PTPRD: variants seen among roughly 807,000 people sequenced by gnomAD.
PTPRD encodes protein tyrosine phosphatase receptor type D, also known as receptor-type tyrosine-protein phosphatase delta.
Under a neutral mutation model 214.5 loss-of-function variants are expected in PTPRD, and 34 were observed. The ratio of observed to expected loss-of-function variants is 0.16; its 90% CI spans 0.12 to 0.21. The LOEUF is 0.21. Ranked by LOEUF, PTPRD falls within the 10% of genes least tolerant of loss-of-function variation. The pLI is 1.00. For missense variants in PTPRD, 2,545 were observed against 2,398.7 expected (o/e 1.06, Z -1.27); for synonymous variants, 1,128 against 845.7 (o/e 1.33, Z -5.79).
intron 3 of PTPRD, among the ~76,000 whole-genome samples, chr9:10,190,415 A>G (rs1356340579): frequency 1.1e-5 from 1 of 87,360 alleles, no homozygotes; most frequent in African/African-American, 7.1e-5. Flanking sequence ...AAAAAAAAAA[A>G]AAAAACAAAA....
chr9:9,686,812 C>T (rs2097173956), intron 7 of PTPRD, among the ~76,000 whole-genome samples: 1 of 151,684 alleles, frequency 6.6e-6, no homozygotes, highest in Admixed American at 6.6e-5. Context: ...GAGAGATACT[C>T]TTAGAAGTTA....
chr9:9,583,189 A>G (rs1186629240), intron 7 of PTPRD, among the ~76,000 whole-genome samples: 5 of 152,058 alleles, frequency 3.3e-5, no homozygotes, highest in Non-Finnish European at 5.9e-5. Context: ...AAAGTATACA[A>G]TGAAAGTGAT....
Position 8,769,544 on chromosome 9 carries a change from T to C in PTPRD, c.-103-35598A>G, listed in dbSNP as rs771958930. Reference sequence around the variant, plus strand: ...CTTCTTCTTGCAAGTAGTGGAAAACTGCCAAAAACTTAATGTGATAAATGA... The same window carrying C: ...CTTCTTCTTGCAAGTAGTGGAAAACCGCCAAAAACTTAATGTGATAAATGA... On this transcript the variant is annotated intron_variant, in intron 11 of 45. Transcript: ENST00000381196. 4.8e-4 allele frequency among the ~76,000 whole-genome samples: 73 copies of C among 152,150 alleles called. 1 individual carries two copies. Among genetic ancestry groups the C allele is most frequent in the Non-Finnish European group, 1.5e-4 (10 of 68,012 alleles).
intron 11 of PTPRD, among the ~76,000 whole-genome samples, chr9:8,795,442 A>G (rs1320004886): frequency 6.6e-6 from 1 of 152,168 alleles, no homozygotes; most frequent in Non-Finnish European, 1.5e-5. Context: ...TGGTGGGATT[A>G]CAGGTGTGAG....
At chr9:8,511,000 T>C (rs116314486) in intron 21 of PTPRD, among the ~76,000 whole-genome samples, 2,245 of 152,234 alleles carry the variant, frequency 0.015, 58 homozygotes, top group African/African-American at 0.051. Context: ...TTTCTATTAA[T>C]GTTTTCTCTC....
chr9:9,221,240 T>A (rs2099955782), intron 9 of PTPRD, among the ~76,000 whole-genome samples: 1 of 152,116 alleles, frequency 6.6e-6, no homozygotes, highest in African/African-American at 2.4e-5. Context: ...TCATCTTTCT[T>A]GCTCAGCCAA....
chr9:9,532,287 T>G (rs2075652735), intron 8 of PTPRD, among the ~76,000 whole-genome samples: 1 of 152,120 alleles, frequency 6.6e-6, no homozygotes, highest in South Asian at 2.1e-4. Flanking sequence ...ACTGTACACT[T>G]AAAACATTCA....
At chr9:8,386,732 T>C (rs535824386) in intron 37 of PTPRD, among the ~76,000 whole-genome samples, 1 of 152,174 alleles carries the variant, frequency 6.6e-6, no homozygotes, top group Non-Finnish European at 1.5e-5. Flanking sequence ...AGTTATAACA[T>C]TGTTTTTATA....
At chr9:9,674,181 A>G (rs534107634) in intron 7 of PTPRD, among the ~76,000 whole-genome samples, 1 of 152,002 alleles carries the variant, frequency 6.6e-6, no homozygotes. Flanking sequence ...TAAAATATAA[A>G]CAAAAGTAGT....
At chr9:9,577,074 G>C (rs1181544400) in intron 7 of PTPRD, among the ~76,000 whole-genome samples, 1 of 152,104 alleles carries the variant, frequency 6.6e-6, no homozygotes, top group Non-Finnish European at 1.5e-5. Flanking sequence ...TGTAAGTCAT[G>C]GCTCATACTT....
At chr9:8,763,250 G>A (rs2094514676) in intron 11 of PTPRD, among the ~76,000 whole-genome samples, 1 of 152,174 alleles carries the variant, frequency 6.6e-6, no homozygotes, top group African/African-American at 2.4e-5. Context: ...AGTGGCTCAT[G>A]CCTGTAATCC....
At chr9:8,988,711 G>T (rs1249097474) in intron 11 of PTPRD, among the ~76,000 whole-genome samples, 1 of 151,946 alleles carries the variant, frequency 6.6e-6, no homozygotes, top group African/African-American at 2.4e-5. Context: ...ATTGTTTTAT[G>T]GGAAGAATTA....
intron 11 of PTPRD, among the ~76,000 whole-genome samples, chr9:8,813,667 C>G (rs1463177640): frequency 6.6e-6 from 1 of 152,204 alleles, no homozygotes; most frequent in Non-Finnish European, 1.5e-5. Flanking sequence ...GCCACCGCGC[C>G]GGGCCTTCCT....
chr9:9,445,554 G>A (rs533169899), intron 8 of PTPRD, among the ~76,000 whole-genome samples: 37 of 152,222 alleles, frequency 2.4e-4, no homozygotes, highest in South Asian at 6.2e-4. Flanking sequence ...CAATCATGGC[G>A]GAAGGGGAAG....
intron 11 of PTPRD, among the ~76,000 whole-genome samples, chr9:8,738,800 A>G (rs2091156664): frequency 6.7e-6 from 1 of 150,162 alleles, no homozygotes; most frequent in Non-Finnish European, 1.5e-5. Context: ...TACTGCTGTC[A>G]CTTAAAACTA....
At position 8,317,635 on chromosome 9, in the gene PTPRD, C is replaced by A. The variant is rs542094692; in HGVS notation, c.*239G>T. 1 of 364,312 alleles carries A rather than the reference C, an allele frequency of 2.7e-6. No individual in the cohort carries two copies. The highest frequency in any genetic ancestry group is 2.0e-5 in the African/African-American group (1 of 49,922). 22.6% of individuals were successfully genotyped at this position (364,312 alleles called of 1,614,324 possible). A position where few individuals can be genotyped will look rare whatever the true frequency, so the allele number is the denominator to read the frequency against. On this transcript the variant is annotated 3_prime_UTR_variant, in exon 46 of 46. Transcript: ENST00000381196. ...TCCTTGAGGTATCTGTAAATAAAAT[C>A]CTTCAGATGCCTCATCAGTCAGGAT... is the stretch of plus-strand genomic sequence containing the variant.
At chr9:9,718,508 A>ACAGCTG (rs938393915) in intron 7 of PTPRD, among the ~76,000 whole-genome samples, 1 of 152,134 alleles carries the variant, frequency 6.6e-6, no homozygotes, top group African/African-American at 2.4e-5. Context: ...GCTCCCAGGC[A>ACAGCTG]CAGCTGCAGC....
chr9:8,935,817 C>G (rs1023858744), intron 11 of PTPRD, among the ~76,000 whole-genome samples: 1 of 152,164 alleles, frequency 6.6e-6, no homozygotes, highest in African/African-American at 2.4e-5. Context: ...CTCATAATCC[C>G]CCTTTCCCTT....
intron 11 of PTPRD, among the ~76,000 whole-genome samples, chr9:8,773,080 G>C (rs1303593117): frequency 6.6e-6 from 1 of 152,130 alleles, no homozygotes; most frequent in Non-Finnish European, 1.5e-5. Context: ...GAATTATGGA[G>C]CTTTCCTCTC....
Sources: gnomAD v4.1 joint callset for allele counts (sites outside exome capture counted in the v4.1 genomes callset) on GRCh38, gnomAD v4.1.1 for gene constraint, MANE v1.5 for transcripts, NCBI Gene and HGNC (gene_info 2026-07-23, HGNC 2026-07-21) for gene names.